The following KIT variants were observed in gnomAD, a reference collection of about 807,000 sequenced individuals.
The protein encoded by KIT is mast/stem cell growth factor receptor Kit.
A neutral mutation model predicts 105.7 loss-of-function variants in KIT; 16 were observed. The observed-to-expected ratio is 0.15, with a 90% CI of 0.10 to 0.23. The LOEUF is 0.23. Ranked by LOEUF, KIT falls within the 10% of genes least tolerant of loss-of-function variation. KIT has a pLI of 1.00. For synonymous variants in KIT, 438 were observed against 441.1 expected (o/e 0.99, Z 0.09); for missense variants, 858 against 1,213.8 (o/e 0.71, Z 4.36).
chr4:54,694,671 C>G (rs1261769854), intron 1 of KIT, among the ~76,000 whole-genome samples: 1 of 152,220 alleles, frequency 6.6e-6, no homozygotes, highest in African/African-American at 2.4e-5. Flanking sequence ...TGAGCCACGG[C>G]ACCTGGCCAG....
intron 8 of KIT, among the ~76,000 whole-genome samples, chr4:54,725,256 C>T (rs1256878701): frequency 6.6e-6 from 1 of 152,106 alleles, no homozygotes; most frequent in Non-Finnish European, 1.5e-5. Context: ...AGGCGCCTGC[C>T]ACCACGCCCA....
rs532439978 is a variant in KIT at position 54,736,034 on chromosome 4, A to G, written c.2485-464A>G. ...GTAAGGAGGTTTTCCTGAAGCTGCT[A>G]TACAGCACTTACAACTTAGTGGCCA... On this transcript the variant is annotated intron_variant, in intron 17 of 20. Coordinates refer to ENST00000288135, the MANE Select transcript of KIT (RefSeq NM_000222.3). Among the ~76,000 whole-genome samples the G allele has an allele frequency of 5.3e-5, 8 of 152,336 alleles. No homozygotes were observed. In the South Asian group the frequency reaches 1.7e-3, roughly 32 times the overall value.
intron 3 of KIT, among the ~76,000 whole-genome samples, chr4:54,699,138 A>G (rs977551025): frequency 3.3e-5 from 5 of 152,234 alleles, no homozygotes; most frequent in African/African-American, 1.2e-4. Flanking sequence ...GCATTCAGCT[A>G]TTGAGTACAG....
chr4:54,686,479 A>G (rs944205154), intron 1 of KIT, among the ~76,000 whole-genome samples: 1 of 152,212 alleles, frequency 6.6e-6, no homozygotes, highest in Non-Finnish European at 1.5e-5. Context: ...GAATATTACA[A>G]TGAAAGGTAA....
chr4:54,737,837 C>A (rs1012408154), intron 20 of KIT, among the ~76,000 whole-genome samples: 2 of 152,150 alleles, frequency 1.3e-5, no homozygotes, highest in Non-Finnish European at 2.9e-5. Flanking sequence ...AAACTCAAAT[C>A]CATTATTTCC....
intron 1 of KIT, among the ~76,000 whole-genome samples, chr4:54,669,151 G>C (rs1346902831): frequency 6.6e-6 from 1 of 152,082 alleles, no homozygotes; most frequent in South Asian, 2.1e-4. Context: ...TATATGTGCA[G>C]CTGGGAAATA....
At chr4:54,702,134 T>G (rs1191547977) in intron 4 of KIT, among the ~76,000 whole-genome samples, 1 of 152,192 alleles carries the variant, frequency 6.6e-6, no homozygotes, top group Non-Finnish European at 1.5e-5. Context: ...GTGTGGTTAC[T>G]TTAATGTAAA....
intron 16 of KIT, among the ~76,000 whole-genome samples, chr4:54,732,487 A>G (rs577882473): frequency 7.2e-5 from 11 of 152,242 alleles, no homozygotes; most frequent in African/African-American, 2.6e-4. Context: ...AAGGTTAGGA[A>G]TGGAAAGAAT....
At chr4:54,732,618 C>G (rs1477129984) in intron 16 of KIT, among the ~76,000 whole-genome samples, 1 of 151,992 alleles carries the variant, frequency 6.6e-6, no homozygotes. Flanking sequence ...TGACATTTCC[C>G]AACAATTACC....
chr4:54,726,186 C>T (rs1722207665), intron 9 of KIT, 136 bp downstream of exon 9: 3 of 736,424 alleles, frequency 4.1e-6, no homozygotes, highest in African/African-American at 1.7e-5. Flanking sequence ...TCATCAAACT[C>T]ACTAAGTTTC....
Position 54,658,084 on chromosome 4 carries a change from G to A in KIT, c.67+3G>A, listed in dbSNP as rs1560366820. 6 of 1,613,650 alleles carry A rather than the reference G, an allele frequency of 3.7e-6. No individual in the cohort carries two copies. Among genetic ancestry groups the A allele is most frequent in the Non-Finnish European group, 4.2e-6 (5 of 1,179,758 alleles). Reference sequence around the variant, plus strand: ...CCTACTGCTTCGCGTCCAGACAGGTGGGACACCGCGGCTGGCACCCCGACC... The same window carrying A: ...CCTACTGCTTCGCGTCCAGACAGGTAGGACACCGCGGCTGGCACCCCGACC... On this transcript the variant is annotated splice_donor_region_variant and intron_variant, in intron 1 of 20. Transcript: ENST00000288135.
intron 1 of KIT, among the ~76,000 whole-genome samples, chr4:54,683,465 C>G (rs1323487988): frequency 6.6e-6 from 1 of 152,142 alleles, no homozygotes; most frequent in East Asian, 1.9e-4. Context: ...AGTGAGACCT[C>G]GTTCTCCACC....
intron 1 of KIT, among the ~76,000 whole-genome samples, chr4:54,665,963 A>G (rs1717657887): frequency 6.6e-6 from 1 of 152,196 alleles, no homozygotes; most frequent in African/African-American, 2.4e-5. Context: ...AGGAGTGTAT[A>G]CTAGGAAGAG....
intron 7 of KIT, among the ~76,000 whole-genome samples, chr4:54,710,607 C>CGTG (rs1553889318): frequency 2.0e-5 from 3 of 151,958 alleles, no homozygotes; most frequent in Non-Finnish European, 4.4e-5. Context: ...AGTGCAGTGA[C>CGTG]ATCTCGATTC....
At chr4:54,705,583 G>C (rs536327849) in intron 5 of KIT, among the ~76,000 whole-genome samples, 20 of 152,190 alleles carry the variant, frequency 1.3e-4, no homozygotes, top group African/African-American at 4.8e-4. Context: ...TGTGATAAGA[G>C]CTGTTAACAT....
intron 7 of KIT, among the ~76,000 whole-genome samples, chr4:54,712,602 G>A (rs1246981555): frequency 6.6e-6 from 1 of 152,090 alleles, no homozygotes; most frequent in Non-Finnish European, 1.5e-5. Context: ...CTCTGGTGGG[G>A]GCAAAATTGC....
chr4:54,699,777 C>T lies in KIT; in HGVS notation c.756+11C>T, dbSNP rs1411207498. ...AGAGAAAACAGTCAGGTGAGTGAAT[C>T]GCTTCATTCTTCTCATGTTCTGTCT... On this transcript the variant is annotated intron_variant, in intron 4 of 20. Transcript: ENST00000288135. 20 of 1,613,136 alleles carry T rather than the reference C, an allele frequency of 1.2e-5. No individual in the cohort carries two copies. Among genetic ancestry groups the T allele is most frequent in the African/African-American group, 2.7e-5 (2 of 74,820 alleles).
intron 7 of KIT, among the ~76,000 whole-genome samples, chr4:54,710,170 G>GTCTGC (rs886474855): frequency 6.6e-6 from 1 of 152,194 alleles, no homozygotes; most frequent in Non-Finnish European, 1.5e-5. Flanking sequence ...TTAGAGAAAT[G>GTCTGC]TCTGCTCTGA....
At position 54,695,531 on chromosome 4, in the gene KIT, G is replaced by A. The variant is rs2109660422; in HGVS notation, c.87G>A (p.Val29=). Residue 29 remains valine (V), a synonymous_variant, in exon 2 of 21, where the codon GTG becomes GTA. Transcript: ENST00000288135. ...TGGCAGGCTCTTCTCAACCATCTGT[G>A]AGTCCAGGGGAACCGTCTCCACCAT... ...RVQTGSSQPS[V]SPGEPSPPSI... is the part of the protein sequence containing the mutation. The A allele has an allele frequency of 6.2e-7, 1 of 1,614,140 alleles. No individual in the cohort carries two copies. The highest frequency in any genetic ancestry group is 8.5e-7 in the Non-Finnish European group (1 of 1,180,022).
Sources: allele counts gnomAD v4.1 joint callset (sites outside exome capture counted in the v4.1 genomes callset), GRCh38; gene constraint gnomAD v4.1.1; transcripts MANE v1.5; gene names NCBI Gene and HGNC (gene_info 2026-07-23, HGNC 2026-07-21).